The following RANBP17 variants were observed in gnomAD, a reference collection of about 807,000 sequenced individuals.
The protein encoded by RANBP17 is RAN binding protein 17.
In RANBP17, 158 loss-of-function variants were observed where a neutral mutation model predicts 141.2. That is an observed-to-expected ratio of 1.12 (90% CI 0.98 to 1.28). The LOEUF (loss-of-function observed/expected upper bound fraction) is 1.28, where lower values mean the gene tolerates loss of function less well. Ranked by LOEUF, RANBP17 falls within the 50% of genes most tolerant of loss-of-function variation. The pLI, the probability that RANBP17 is intolerant of heterozygous loss-of-function variation, is 0.00. For synonymous variants in RANBP17, 430 were observed against 450.0 expected (o/e 0.96, Z 0.56); for missense variants, 1,438 against 1,290.7 (o/e 1.11, Z -1.75).
intron 12 of RANBP17, among the ~76,000 whole-genome samples, chr5:170,950,159 C>T (rs1775092407): frequency 6.6e-6 from 1 of 152,062 alleles, no homozygotes; most frequent in African/African-American, 2.4e-5. Context: ...TGGGGAGACA[C>T]TTCAGGACAT....
At chr5:170,998,257 TAG>T (rs1261813555) in intron 14 of RANBP17, among the ~76,000 whole-genome samples, 2 of 152,194 alleles carry the variant, frequency 1.3e-5, no homozygotes, top group Admixed American at 1.3e-4. Flanking sequence ...GTTATGTGTG[TAG>T]ATTTTTGAAT....
At chr5:171,054,193 T>G (rs1276568417) in intron 14 of RANBP17, among the ~76,000 whole-genome samples, 1 of 152,010 alleles carries the variant, frequency 6.6e-6, no homozygotes, top group East Asian at 1.9e-4. Context: ...GGTTTGGTTT[T>G]GTTTTCGGGG....
chr5:171,089,305 A>AGTCT (rs1289604664), intron 14 of RANBP17, among the ~76,000 whole-genome samples: 13 of 107,966 alleles, frequency 1.2e-4, no homozygotes, highest in African/African-American at 3.6e-4. Context: ...TTGAGGAGGC[A>AGTCT]GTCTGCCCGT....
rs144951695 is a variant in RANBP17 at position 171,295,978 on chromosome 5, G to A, written c.3134G>A (p.Gly1045Glu). The A allele has an allele frequency of 1.7e-5, 28 of 1,613,868 alleles. No homozygotes were observed. The African/African-American group carries it at 3.5e-4, about 20-fold the overall frequency. ...LAQCFRNLME[G>E]VEQNLSVKNR... ...CAGTGCTTCAGAAACCTAATGGAAG[G>A]AGTGGAGCAGAACCTGTCCGTCAAG... The change falls in exon 27 of 28, where the codon GGA becomes GAA. Residue 1045 changes from glycine to glutamate, a missense_variant. Gly to Glu is a moderately conservative substitution (Grantham distance 98). Coordinates refer to ENST00000523189, the MANE Select transcript of RANBP17 (RefSeq NM_022897.5).
chr5:170,940,307 C>T (rs909011913), intron 12 of RANBP17, among the ~76,000 whole-genome samples: 9 of 151,974 alleles, frequency 5.9e-5, no homozygotes, highest in Non-Finnish European at 1.2e-4. Flanking sequence ...AGTTTGTGTA[C>T]CAGGAAGGTA....
In RANBP17 at chr5:171,290,165, G is replaced by A. The variant is rs138743212; in HGVS notation, c.2944-3718G>A. The stretch of plus-strand genomic sequence containing the variant: ...AGGTGGATCACGAGGTCAGGAGTTC[G>A]AGACCAGCCTGACCAACATGGTGAA... On this transcript the variant is annotated intron_variant, in intron 25 of 27. Transcript: ENST00000523189. 4.8e-3 allele frequency among the ~76,000 whole-genome samples: 726 copies of A among 151,912 alleles called. 3 individuals carry two copies. The highest frequency in any genetic ancestry group is 0.016 in the African/African-American group (680 of 41,410).
chr5:171,209,490 AT>A (rs934888100), intron 20 of RANBP17, among the ~76,000 whole-genome samples: 1 of 151,456 alleles, frequency 6.6e-6, no homozygotes, highest in Non-Finnish European at 1.5e-5. Context: ...TCAGCAAGCT[AT>A]TTTTTTTTAG....
At chr5:171,040,452 CAT>C (rs1213785937) in intron 14 of RANBP17, among the ~76,000 whole-genome samples, 3 of 152,122 alleles carry the variant, frequency 2.0e-5, no homozygotes, top group Admixed American at 1.3e-4. Context: ...TCAGTAAAAA[CAT>C]ATTATTTAAT....
At chr5:170,986,202 A>G (rs1778130870) in intron 14 of RANBP17, among the ~76,000 whole-genome samples, 1 of 152,082 alleles carries the variant, frequency 6.6e-6, no homozygotes, top group Non-Finnish European at 1.5e-5. Context: ...TCTAAAGAGG[A>G]TAATATAGTA....
intron 14 of RANBP17, among the ~76,000 whole-genome samples, chr5:171,153,248 C>T (rs577656864): frequency 5.5e-4 from 84 of 152,262 alleles, no homozygotes; most frequent in African/African-American, 1.9e-3. Flanking sequence ...ATTAGAGCAG[C>T]ATCTTATTAA....
At chr5:171,235,488 A>T (rs1764486329) in intron 22 of RANBP17, among the ~76,000 whole-genome samples, 1 of 152,170 alleles carries the variant, frequency 6.6e-6, no homozygotes, top group Non-Finnish European at 1.5e-5. Context: ...AACTAGTTGG[A>T]CATGTTGAGG....
chr5:170,958,227 C>T (rs184029754), intron 13 of RANBP17, among the ~76,000 whole-genome samples: 241 of 152,272 alleles, frequency 1.6e-3, no homozygotes, highest in African/African-American at 4.9e-3. Flanking sequence ...TTTCACTTTT[C>T]CACACTTCTT....
At chr5:171,287,614 A>G (rs1225600174) in intron 25 of RANBP17, among the ~76,000 whole-genome samples, 1 of 146,558 alleles carries the variant, frequency 6.8e-6, no homozygotes, top group Non-Finnish European at 1.5e-5. Context: ...CCCACCCCCT[A>G]TCCAGGTCCA....
chr5:171,272,642 G>GT (rs1767194426), intron 25 of RANBP17, among the ~76,000 whole-genome samples: 2 of 152,130 alleles, frequency 1.3e-5, no homozygotes, highest in African/African-American at 2.4e-5. Context: ...CTGTTCCTTT[G>GT]TTTAGTGGCT....
At chr5:170,883,803 C>T (rs188056090) in intron 3 of RANBP17, among the ~76,000 whole-genome samples, 20 of 152,220 alleles carry the variant, frequency 1.3e-4, no homozygotes, top group African/African-American at 4.8e-4. Flanking sequence ...CTTTTTAGCG[C>T]TGAATAATTC....
intron 12 of RANBP17, among the ~76,000 whole-genome samples, chr5:170,940,776 A>G (rs1052576831): frequency 2.0e-5 from 3 of 152,180 alleles, no homozygotes; most frequent in African/African-American, 7.2e-5. Context: ...AAACACTGGA[A>G]CCAACAGTTT....
rs1769721886 is a variant in RANBP17, at chr5:170,892,465, C to T, written c.335C>T (p.Ala112Val). The T allele has an allele frequency of 6.2e-7, 1 of 1,614,034 alleles. No homozygotes were observed. The highest frequency in any genetic ancestry group is 8.5e-7 in the Non-Finnish European group (1 of 1,179,938). The change falls in exon 4 of 28, where the codon GCT (alanine) becomes GTT (valine). Residue 112 changes from alanine (A) to valine (V), a missense_variant. Physicochemically the swap from Ala to Val is moderately conservative, Grantham distance 64. Coordinates refer to ENST00000523189, the MANE Select transcript of RANBP17 (RefSeq NM_022897.5). ...ATCCAAGCTCTTATTCAAGTCATTGCTAAAATCACTAAGTTGGGGTGGTTT... is the reference window on the plus strand; with the variant it reads ...ATCCAAGCTCTTATTCAAGTCATTGTTAAAATCACTAAGTTGGGGTGGTTT... ...FVIQALIQVI[A>V]KITKLGWFEV...
At chr5:171,004,044 G>A (rs1309757017) in intron 14 of RANBP17, among the ~76,000 whole-genome samples, 1 of 152,170 alleles carries the variant, frequency 6.6e-6, no homozygotes, top group Non-Finnish European at 1.5e-5. Context: ...TGGCAGAATT[G>A]TAAGGAGAGT....
At position 170,862,054 on chromosome 5, in the gene RANBP17, C is replaced by T. The variant is rs1279842292; in HGVS notation, c.18+3C>T. The T allele has an allele frequency of 6.8e-7, 1 of 1,461,804 alleles. No individual in the cohort carries two copies. The highest frequency in any genetic ancestry group is 9.0e-7 in the Non-Finnish European group (1 of 1,113,886). The allele number at this position is 1,461,804 out of a possible 1,614,324, so 90.6% of individuals were successfully genotyped here. On this transcript the variant is annotated splice_donor_region_variant and intron_variant, in intron 1 of 27. Coordinates refer to ENST00000523189, the MANE Select transcript of RANBP17 (RefSeq NM_022897.5). ...GGAAGATGGCGCTGCACTTCCAGGT[C>T]AGTGTGCTCTGCGCCGCGGGCCCGC...
Sources: gnomAD v4.1 joint callset for allele counts (sites outside exome capture counted in the v4.1 genomes callset) on GRCh38, gnomAD v4.1.1 for gene constraint, MANE v1.5 for transcripts, NCBI Gene and HGNC (gene_info 2026-07-23, HGNC 2026-07-21) for gene names.